C7orf78: variants seen among roughly 807,000 people sequenced by gnomAD.
The protein encoded by C7orf78 is putative uncharacterized protein C7orf78.
chr7:12,487,550 C>G, the C7orf78 span, among the ~76,000 whole-genome samples: 2 of 151,914 alleles, frequency 1.3e-5, no homozygotes, highest in African/African-American at 4.8e-5. Flanking sequence ...AACAACAAAA[C>G]AGAATGTAAG....
the C7orf78 span, among the ~76,000 whole-genome samples, chr7:12,515,438 A>G: frequency 4.6e-5 from 7 of 152,180 alleles, no homozygotes; most frequent in African/African-American, 1.7e-4. Flanking sequence ...TTTTCTTCCC[A>G]GTCTCAGATA....
At chr7:12,509,270 C>A in the C7orf78 span, among the ~76,000 whole-genome samples, 1 of 152,184 alleles carries the variant, frequency 6.6e-6, no homozygotes, top group Non-Finnish European at 1.5e-5. Context: ...CATTGTATGG[C>A]TTGACCCTCT....
the C7orf78 span, among the ~76,000 whole-genome samples, chr7:12,515,702 C>G: frequency 9.9e-5 from 15 of 152,058 alleles, no homozygotes; most frequent in Non-Finnish European, 2.2e-4. Context: ...CTGAGGTGGT[C>G]TCAGATGGAG....
At chr7:12,525,252 T>C in the C7orf78 span, among the ~76,000 whole-genome samples, 1 of 152,108 alleles carries the variant, frequency 6.6e-6, no homozygotes, top group African/African-American at 2.4e-5. Context: ...GATCAGTTCT[T>C]GGAGTGTACA....
chr7:12,536,270 C>G, the C7orf78 span, among the ~76,000 whole-genome samples: 27 of 152,172 alleles, frequency 1.8e-4, no homozygotes, highest in African/African-American at 6.5e-4. Flanking sequence ...CAATTCTTGA[C>G]TTCTGTGCAC....
At chr7:12,532,362 A>G in the C7orf78 span, among the ~76,000 whole-genome samples, 1 of 151,652 alleles carries the variant, frequency 6.6e-6, no homozygotes, top group South Asian at 2.1e-4. Context: ...AGCCTGACCA[A>G]CATGGTGAAA....
At chr7:12,528,845 A>G in the C7orf78 span, 1 of 397,630 alleles carries the variant, frequency 2.5e-6, no homozygotes, top group Non-Finnish European at 4.4e-6. Flanking sequence ...TCTGAGAGAC[A>G]TCATGAACAA....
chr7:12,530,218 T>C, the C7orf78 span, among the ~76,000 whole-genome samples: 103 of 152,256 alleles, frequency 6.8e-4, 1 homozygote, highest in East Asian at 9.5e-3. Flanking sequence ...GTTCTTGTCA[T>C]GTAGTCGAAG....
the C7orf78 span, among the ~76,000 whole-genome samples, chr7:12,500,173 A>G: frequency 2.0e-5 from 3 of 150,194 alleles, no homozygotes; most frequent in Non-Finnish European, 4.4e-5. Context: ...TAAAAGAACT[A>G]GAAAAGCAAG....
the C7orf78 span, chr7:12,525,934 A>G: frequency 3.0e-5 from 12 of 395,738 alleles, no homozygotes; most frequent in Admixed American, 3.1e-4. Context: ...TGAATATTGG[A>G]AAAAAAACTC....
At chr7:12,534,146 G>C in the C7orf78 span, among the ~76,000 whole-genome samples, 1 of 152,054 alleles carries the variant, frequency 6.6e-6, no homozygotes, top group Non-Finnish European at 1.5e-5. Flanking sequence ...CCCTCAGCTT[G>C]AGAACAACTT....
chr7:12,530,742 G>A, the C7orf78 span, among the ~76,000 whole-genome samples: 1 of 152,166 alleles, frequency 6.6e-6, no homozygotes, highest in Non-Finnish European at 1.5e-5. Context: ...ATCACGAGAA[G>A]TTTAGTGAGT....
chr7:12,534,944 C>G, the C7orf78 span, among the ~76,000 whole-genome samples: 1,590 of 137,760 alleles, frequency 0.012, 16 homozygotes, highest in East Asian at 0.034. Flanking sequence ...AAGACCCTGT[C>G]TCAAAGAAAG....
the C7orf78 span, among the ~76,000 whole-genome samples, chr7:12,490,609 T>C: frequency 2.0e-5 from 3 of 152,130 alleles, no homozygotes; most frequent in African/African-American, 7.2e-5. Flanking sequence ...TTATTATAAG[T>C]CAAACAGTGT....
the C7orf78 span, among the ~76,000 whole-genome samples, chr7:12,529,728 G>A: frequency 1.3e-5 from 2 of 152,140 alleles, no homozygotes; most frequent in African/African-American, 4.8e-5. Context: ...ATGCATGGTG[G>A]GCAAGCCCCA....
chr7:12,521,627 G>A, the C7orf78 span, among the ~76,000 whole-genome samples: 1 of 139,180 alleles, frequency 7.2e-6, no homozygotes, highest in Non-Finnish European at 1.5e-5. Context: ...CTAAATCGTT[G>A]CTATGTTGGG....
At chr7:12,500,148 C>G in the C7orf78 span, among the ~76,000 whole-genome samples, 8 of 145,142 alleles carry the variant, frequency 5.5e-5, no homozygotes, top group South Asian at 2.3e-4. Flanking sequence ...AAAATTGACA[C>G]CCTAACATCA....
At chr7:12,526,139 A>G in the C7orf78 span, among the ~76,000 whole-genome samples, 1 of 152,126 alleles carries the variant, frequency 6.6e-6, no homozygotes, top group Middle Eastern at 3.2e-3. Flanking sequence ...TATAGAGAAT[A>G]AATAGAGTGT....
chr7:12,524,873 A>C, the C7orf78 span, among the ~76,000 whole-genome samples: 2 of 152,074 alleles, frequency 1.3e-5, no homozygotes, highest in African/African-American at 4.8e-5. Context: ...ACAGACTTAA[A>C]AACTTGAGTA....
Sources: allele counts gnomAD v4.1 joint callset (sites outside exome capture counted in the v4.1 genomes callset), GRCh38; gene constraint gnomAD v4.1.1; transcripts MANE v1.5; gene names NCBI Gene and HGNC (gene_info 2026-07-23, HGNC 2026-07-21).